ZNF141: variants seen among roughly 807,000 people sequenced by gnomAD.
ZNF141 encodes the protein zinc finger protein 141.
ZNF141 carries 7 observed loss-of-function variants against 11.3 expected under a neutral mutation model. The observed-to-expected ratio is 0.62, with a 90% CI of 0.35 to 1.16. ZNF141 has a LOEUF of 1.16. Ranked by LOEUF, ZNF141 falls within the 50% of genes most tolerant of loss-of-function variation. The pLI is 0.02. For missense variants in ZNF141, 535 were observed against 554.0 expected, an observed-to-expected ratio of 0.97 and a Z score of 0.34; for synonymous variants, 183 against 190.7, an observed-to-expected ratio of 0.96 and a Z score of 0.33.
chr4:381,957 T>C lies in ZNF141; in HGVS notation c.*8095T>C, dbSNP rs1467266193. Among the ~76,000 whole-genome samples the C allele has an allele frequency of 1.4e-5, 2 of 144,016 alleles. No individual in the cohort carries two copies. The highest frequency in any genetic ancestry group is 5.4e-5 in the African/African-American group (2 of 36,710). The allele number at this position is 144,016 out of a possible 152,430, so 94.5% of individuals were successfully genotyped here. A position where few individuals can be genotyped will look rare whatever the true frequency, so the allele number is the denominator to read the frequency against. On this transcript the variant is annotated 3_prime_UTR_variant, in exon 4 of 4. Transcript: ENST00000240499. ...ACCATCTCTGGGAACTTTTTTTTTT[T>C]TTTTTTTTGAGACGGAGTCTCACTC...
At chr4:351,359 G>T (rs1199318807) in intron 3 of ZNF141, among the ~76,000 whole-genome samples, 1 of 151,104 alleles carries the variant, frequency 6.6e-6, no homozygotes, top group Non-Finnish European at 1.5e-5. Flanking sequence ...TCAGCCTCCC[G>T]AGTAGCTGGG....
At chr4:366,271 T>C (rs1711736466) in intron 3 of ZNF141, among the ~76,000 whole-genome samples, 1 of 152,130 alleles carries the variant, frequency 6.6e-6, no homozygotes, top group Non-Finnish European at 1.5e-5. Context: ...GAAAAATATC[T>C]TTCAATTTTT....
chr4:364,447 C>T (rs1445430156), intron 3 of ZNF141, among the ~76,000 whole-genome samples: 2 of 152,092 alleles, frequency 1.3e-5, no homozygotes, highest in African/African-American at 4.8e-5. Context: ...GGAATTTATC[C>T]ATTTCTTCTA....
intron 3 of ZNF141, among the ~76,000 whole-genome samples, chr4:345,345 CTCGTT>C (rs1721269741): frequency 6.6e-6 from 1 of 152,020 alleles, no homozygotes; most frequent in South Asian, 2.1e-4. Context: ...TTAGTATAAA[CTCGTT>C]TGTAATGTAA....
intron 1 of ZNF141, among the ~76,000 whole-genome samples, chr4:340,293 C>T (rs1226342609): frequency 2.0e-5 from 3 of 152,252 alleles, no homozygotes; most frequent in Non-Finnish European, 4.4e-5. Context: ...GCAAAGTGCT[C>T]CCCAAAGCTG....
At chr4:363,100 T>C (rs1302481961) in intron 3 of ZNF141, among the ~76,000 whole-genome samples, 21 of 152,178 alleles carry the variant, frequency 1.4e-4, no homozygotes, top group Non-Finnish European at 8.8e-5. Context: ...TCACATCCCT[T>C]GTAAGTTGGA....
intron 3 of ZNF141, among the ~76,000 whole-genome samples, chr4:368,703 A>G (rs1711873351): frequency 6.6e-6 from 1 of 152,184 alleles, no homozygotes; most frequent in African/African-American, 2.4e-5. Context: ...GTGAGAGTTC[A>G]TATTTTTGCC....
At chr4:340,517 T>A (rs1036564799) in intron 1 of ZNF141, among the ~76,000 whole-genome samples, 3 of 152,204 alleles carry the variant, frequency 2.0e-5, no homozygotes, top group Admixed American at 1.3e-4. Flanking sequence ...AGAACTTCCA[T>A]TCTCTCCCTT....
chr4:372,609 GTATATT>G (rs1712121970), intron 3 of ZNF141, 49 bp from the exon 4 acceptor site: 2 of 1,377,410 alleles, frequency 1.5e-6, no homozygotes, highest in African/African-American at 1.4e-5. Context: ...GATTTGTAAA[GTATATT>G]TATATGAATC....
chr4:364,505 G>A (rs1420402653), intron 3 of ZNF141, among the ~76,000 whole-genome samples: 2 of 152,112 alleles, frequency 1.3e-5, no homozygotes, highest in African/African-American at 2.4e-5. Context: ...TTCTCTGATG[G>A]TAGTTTCTAT....
At position 378,161 on chromosome 4, in the gene ZNF141, T is replaced by TCAA. The variant is rs1338121277; in HGVS notation, c.*4312_*4314dup. ...GCCTGCCAACAGAGTAAGACCCGTC[T>TCAA]CAACAACAACAACAAAAAAGAAGAA... On this transcript the variant is annotated 3_prime_UTR_variant, in exon 4 of 4. Coordinates refer to ENST00000240499, the MANE Select transcript of ZNF141 (RefSeq NM_003441.4). 4 of 152,170 alleles carry TCAA rather than the reference T, an allele frequency of 2.6e-5. No homozygotes were observed. Among genetic ancestry groups the TCAA allele is most frequent in the African/African-American group, 9.7e-5 (4 of 41,438 alleles). 9.4% of individuals were successfully genotyped at this position (152,170 alleles called of 1,614,324 possible).
chr4:353,373 T>TAAAAA (rs368418265), intron 3 of ZNF141, among the ~76,000 whole-genome samples: 38 of 139,648 alleles, frequency 2.7e-4, no homozygotes, highest in Admixed American at 4.3e-4. Flanking sequence ...AGACCCTGTC[T>TAAAAA]AAAAAAAAAA....
At chr4:369,764 A>ATATATATATATATTT in intron 3 of ZNF141, among the ~76,000 whole-genome samples, 2 of 48,742 alleles carry the variant, frequency 4.1e-5, no homozygotes, top group Non-Finnish European at 6.2e-5. Flanking sequence ...ATATATATAT[A>ATATATATATATATTT]TTTTTTTTTT....
rs1427955499 is a variant in ZNF141, at chr4:373,487, G to C, written c.1050G>C (p.Gln350His). The C allele has an allele frequency of 6.2e-7, 1 of 1,613,646 alleles. No homozygotes were observed. Among genetic ancestry groups the C allele is most frequent in the African/African-American group, 1.3e-5 (1 of 74,790 alleles). ...TCEECGKAFR[Q>H]SSKLNEHKKV... The stretch of plus-strand genomic sequence containing the variant: ...AAGAATGTGGCAAAGCTTTTAGACA[G>C]TCCTCAAAACTGAATGAACATAAGA... Residue 350 changes from glutamine (Q) to histidine (H), a missense_variant, in exon 4 of 4, where the codon CAG (glutamine) becomes CAC (histidine). Transcript: ENST00000240499.
rs782611798 is a variant in ZNF141, at chr4:373,646, C to G, written c.1209C>G (p.Ala403=). ...ACAAATGTGAAGAATGTGGCAAAGC[C>G]TTTAGACGGTCCACAGATCGGAGTC... The part of the protein sequence containing the change: ...KPYKCEECGK[A]FRRSTDRSQH... The change falls in exon 4 of 4, where the codon GCC becomes GCG. Residue 403 remains alanine, a synonymous_variant. Transcript: ENST00000240499. The G allele has an allele frequency of 7.4e-6, 12 of 1,613,886 alleles. No individual in the cohort carries two copies. The highest frequency in any genetic ancestry group is 1.0e-5 in the Non-Finnish European group (12 of 1,179,964).
At position 377,554 on chromosome 4, in the gene ZNF141, GTTCTC is replaced by G. The variant is rs1352729522; in HGVS notation, c.*3696_*3700del. 6.6e-6 allele frequency among the ~76,000 whole-genome samples: 1 copy of G among 152,110 alleles called. No homozygotes were observed. The highest frequency in any genetic ancestry group is 6.5e-5 in the Admixed American group (1 of 15,270). On this transcript the variant is annotated 3_prime_UTR_variant, in exon 4 of 4. Transcript: ENST00000240499. ...TTTGCGTTATGGCTAGTTTGTCACT[GTTCTC>G]TTCATTCCACGTAATTTCACGTGGA...
chr4:339,086 G>T (rs1288633602), intron 1 of ZNF141, among the ~76,000 whole-genome samples: 3 of 152,214 alleles, frequency 2.0e-5, no homozygotes, highest in East Asian at 1.9e-4. Context: ...TCCTGAGCCC[G>T]CCCATTGGGC....
chr4:372,835 T>G lies in ZNF141; in HGVS notation c.398T>G (p.Phe133Cys), dbSNP rs1712139013. 3 of 1,612,894 alleles carry G rather than the reference T, an allele frequency of 1.9e-6. No individual in the cohort carries two copies. The highest frequency in any genetic ancestry group is 1.6e-4 in the Middle Eastern group (1 of 6,076). Residue 133 changes from phenylalanine (F) to cysteine (C), a missense_variant, in exon 4 of 4, where the codon TTT becomes TGT. Coordinates refer to ENST00000240499, the MANE Select transcript of ZNF141 (RefSeq NM_003441.4). Reference protein sequence around the residue: ...CKLQKGGYNEFNECLSTTQSK... With the variant: ...CKLQKGGYNECNECLSTTQSK... The stretch of plus-strand genomic sequence containing the variant: ...TTGCAGAAAGGAGGTTATAATGAAT[T>G]TAATGAATGCTTGTCAACTACCCAG...
chr4:338,335 G>T, intron 1 of ZNF141: 1 of 292,320 alleles, frequency 3.4e-6, no homozygotes, highest in Non-Finnish European at 6.6e-6. Context: ...GCTTTACCCT[G>T]TTCGGAATGA....
Sources: allele counts gnomAD v4.1 joint callset (sites outside exome capture counted in the v4.1 genomes callset), GRCh38; gene constraint gnomAD v4.1.1; transcripts MANE v1.5; gene names NCBI Gene and HGNC (gene_info 2026-07-23, HGNC 2026-07-21).